The following SNTG1 variants were observed in gnomAD, a reference collection of about 807,000 sequenced individuals.
SNTG1 encodes the protein syntrophin gamma 1, also known as gamma-1-syntrophin.
Under a neutral mutation model 74.7 loss-of-function variants are expected in SNTG1, and 39 were observed. The ratio of observed to expected loss-of-function variants is 0.52; its 90% CI spans 0.40 to 0.68. The LOEUF (loss-of-function observed/expected upper bound fraction) is 0.68, where lower values mean the gene tolerates loss of function less well. Ranked by LOEUF, SNTG1 falls within the 30% of genes least tolerant of loss-of-function variation. The probability of loss-of-function intolerance (pLI) is 0.00; values close to 1 mark genes in which losing one functional copy is unlikely to be tolerated. For missense variants in SNTG1, 685 were observed against 609.5 expected (o/e 1.12, Z -1.30); for synonymous variants, 254 against 217.1 (o/e 1.17, Z -1.49).
chr8:50,076,589 C>T (rs141990852), intron 1 of SNTG1, among the ~76,000 whole-genome samples: 367 of 150,638 alleles, frequency 2.4e-3, no homozygotes, highest in African/African-American at 8.1e-3. Flanking sequence ...CTAAATATTC[C>T]GTCGTAAAAA....
Position 50,125,099 on chromosome 8 carries a change from T to C in SNTG1, c.-102-47462T>C, listed in dbSNP as rs866941173. ...GATTATTGAAAGGCACATTTGGCTT[T>C]AGTCCAGAGTTCTGTAAAAAGATTA... On this transcript the variant is annotated intron_variant, in intron 1 of 18. Transcript: ENST00000642720. 1.8e-4 allele frequency among the ~76,000 whole-genome samples: 25 copies of C among 142,426 alleles called. 1 individual carries two copies. The highest frequency in any genetic ancestry group is 6.3e-4 in the African/African-American group (25 of 39,414). 93.4% of individuals were successfully genotyped at this position (142,426 alleles called of 152,430 possible).
intron 2 of SNTG1, among the ~76,000 whole-genome samples, chr8:50,390,325 A>G (rs2092639092): frequency 6.6e-6 from 1 of 152,208 alleles, no homozygotes; most frequent in South Asian, 2.1e-4. Flanking sequence ...TCCCAACACC[A>G]TTTATTAAAT....
At chr8:50,243,208 T>C (rs910878985) in intron 2 of SNTG1, among the ~76,000 whole-genome samples, 1 of 152,170 alleles carries the variant, frequency 6.6e-6, no homozygotes, top group Non-Finnish European at 1.5e-5. Flanking sequence ...CTGTGAAAAT[T>C]AATTATATTG....
At chr8:50,114,264 C>A (rs2080725161) in intron 1 of SNTG1, among the ~76,000 whole-genome samples, 1 of 151,986 alleles carries the variant, frequency 6.6e-6, no homozygotes. Context: ...ATACTTAAAA[C>A]CAGTAGATTT....
At chr8:50,031,396 G>A (rs1243354861) in intron 1 of SNTG1, among the ~76,000 whole-genome samples, 2 of 151,946 alleles carry the variant, frequency 1.3e-5, no homozygotes, top group Non-Finnish European at 2.9e-5. Context: ...AGTTGTAAGA[G>A]TGGATATCCT....
chr8:50,653,614 CTA>C (rs1320199493), intron 13 of SNTG1, among the ~76,000 whole-genome samples: 1 of 151,752 alleles, frequency 6.6e-6, no homozygotes, highest in African/African-American at 2.4e-5. Flanking sequence ...TTATTTTTTT[CTA>C]TATGTTTATT....
intron 15 of SNTG1, among the ~76,000 whole-genome samples, chr8:50,683,761 G>C (rs769945118): frequency 5.3e-5 from 8 of 152,158 alleles, no homozygotes; most frequent in Non-Finnish European, 1.0e-4. Context: ...TTGCAGTGGA[G>C]GGACACTAAG....
At chr8:50,097,781 A>G (rs1280270924) in intron 1 of SNTG1, among the ~76,000 whole-genome samples, 2 of 152,208 alleles carry the variant, frequency 1.3e-5, no homozygotes, top group Admixed American at 1.3e-4. Context: ...AGAGAACTTC[A>G]TCATGAAATT....
At chr8:50,227,160 T>G (rs1308902758) in intron 2 of SNTG1, among the ~76,000 whole-genome samples, 1 of 152,108 alleles carries the variant, frequency 6.6e-6, no homozygotes, top group Admixed American at 6.6e-5. Context: ...AATTTGGAGA[T>G]CGACAGTCAA....
At chr8:50,722,982 T>C (rs1563781806) in intron 17 of SNTG1, among the ~76,000 whole-genome samples, 1 of 152,234 alleles carries the variant, frequency 6.6e-6, no homozygotes. Flanking sequence ...TATTCTATAG[T>C]GCATATTTTA....
intron 4 of SNTG1, among the ~76,000 whole-genome samples, chr8:50,423,322 CACA>C (rs1314657590): frequency 3.3e-5 from 5 of 152,144 alleles, no homozygotes; most frequent in African/African-American, 1.2e-4. Context: ...ATAGTAGCCA[CACA>C]ACAATTATTT....
chr8:50,771,474 T>G (rs971736385), intron 18 of SNTG1, among the ~76,000 whole-genome samples: 5 of 152,068 alleles, frequency 3.3e-5, no homozygotes, highest in South Asian at 2.1e-4. Flanking sequence ...GCAGTAAGAT[T>G]TAAGAGCAAA....
chr8:49,964,416 A>G (rs1408937818), intron 1 of SNTG1, among the ~76,000 whole-genome samples: 1 of 152,204 alleles, frequency 6.6e-6, no homozygotes, highest in Non-Finnish European at 1.5e-5. Context: ...CTTCAAATCA[A>G]TCCCAATGTT....
At chr8:50,712,669 A>C (rs947662957) in intron 17 of SNTG1, among the ~76,000 whole-genome samples, 2 of 150,656 alleles carry the variant, frequency 1.3e-5, no homozygotes, top group African/African-American at 4.9e-5. Context: ...CCCACCCCTC[A>C]ACAGGCCCCA....
intron 6 of SNTG1, 76 bp from the exon 7 acceptor site, chr8:50,450,480 T>G: frequency 1.4e-6 from 2 of 1,452,962 alleles, no homozygotes; most frequent in Non-Finnish European, 1.9e-6. Flanking sequence ...AATTTTACCT[T>G]TATTTAATTA....
At chr8:50,149,587 T>C (rs2081993248) in intron 1 of SNTG1, among the ~76,000 whole-genome samples, 2 of 152,234 alleles carry the variant, frequency 1.3e-5, no homozygotes, top group African/African-American at 4.8e-5. Flanking sequence ...AAGGAAGGGA[T>C]CCAGTTTCAG....
intron 8 of SNTG1, among the ~76,000 whole-genome samples, chr8:50,468,271 C>G (rs2093625314): frequency 6.6e-6 from 1 of 151,966 alleles, no homozygotes; most frequent in African/African-American, 2.4e-5. Flanking sequence ...CCTTTCAGTT[C>G]TATCAGTGTT....
chr8:49,987,769 C>T (rs1366338049), intron 1 of SNTG1, among the ~76,000 whole-genome samples: 2 of 151,810 alleles, frequency 1.3e-5, no homozygotes, highest in East Asian at 3.9e-4. Flanking sequence ...CTGCCCCAGC[C>T]TCCTGGGTAG....
At chr8:50,702,397 C>A (rs1029989392) in intron 15 of SNTG1, among the ~76,000 whole-genome samples, 4 of 152,140 alleles carry the variant, frequency 2.6e-5, no homozygotes, top group African/African-American at 4.8e-5. Context: ...CATCTACTGG[C>A]AGCAAGGGTC....
Sources: gnomAD v4.1 joint callset for allele counts (sites outside exome capture counted in the v4.1 genomes callset) on GRCh38, gnomAD v4.1.1 for gene constraint, MANE v1.5 for transcripts, NCBI Gene and HGNC (gene_info 2026-07-23, HGNC 2026-07-21) for gene names.